Variants in PPP4R3A observed in about 807,000 individuals in gnomAD.
PPP4R3A encodes the protein serine/threonine-protein phosphatase 4 regulatory subunit 3A.
PPP4R3A carries 15 observed loss-of-function variants against 91.7 expected under a neutral mutation model. That is an observed-to-expected ratio of 0.16 (90% confidence interval 0.11 to 0.25). The LOEUF is 0.25. Ranked by LOEUF, PPP4R3A falls within the 10% of genes least tolerant of loss-of-function variation. The pLI is 1.00. For missense variants in PPP4R3A, 623 were observed against 998.4 expected, an observed-to-expected ratio of 0.62 and a Z score of 5.07; for synonymous variants, 377 against 348.7, an observed-to-expected ratio of 1.08 and a Z score of -0.91.
In PPP4R3A at chr14:91,462,256, AAG is replaced by A. The variant is rs752603748; in HGVS notation, c.1974-19_1974-18del. 7 of 1,554,948 alleles carry A rather than the reference AAG, an allele frequency of 4.5e-6. No individual in the cohort carries two copies. The South Asian group carries it at 6.2e-5, about 14-fold the overall frequency. On this transcript the variant is annotated intron_variant, in intron 12 of 14. Coordinates refer to ENST00000554943, the MANE Select transcript of PPP4R3A (RefSeq NM_001366432.2). ...GAACGCATACTATGAGTAGGGAAGA[AAG>A]AGTAAATACAATCATATATGGACTT...
rs753235890 is a variant in PPP4R3A, at chr14:91,458,651, TGTCA to T, written c.*104_*107del. On this transcript the variant is annotated 3_prime_UTR_variant, in exon 15 of 15. Transcript: ENST00000554943. ...AAGTCAAGTGTAAGAGGCTGATCTG[TGTCA>T]GTCATTCACAAGAGACCACTGCGCT... 2.7e-5 allele frequency: 40 copies of T among 1,494,224 alleles called. No individual in the cohort carries two copies. Among genetic ancestry groups the T allele is most frequent in the Non-Finnish European group, 3.5e-5 (38 of 1,072,262 alleles). The allele number at this position is 1,494,224 out of a possible 1,614,324, so 92.6% of individuals were successfully genotyped here. A position where few individuals can be genotyped will look rare whatever the true frequency, so the allele number is the denominator to read the frequency against.
In PPP4R3A at chr14:91,507,328, A is replaced by G. The variant is rs1344048401; in HGVS notation, c.142+2178T>C. Among the ~76,000 whole-genome samples, 4 of 137,586 alleles carry G rather than the reference A, an allele frequency of 2.9e-5. No individual in the cohort carries two copies. In the East Asian group the frequency reaches 6.1e-4, roughly 21 times the overall value. 90.3% of individuals were successfully genotyped at this position (137,586 alleles called of 152,430 possible). On this transcript the variant is annotated intron_variant, in intron 1 of 14. Transcript: ENST00000554943. ...AAGAGCAAAACCCAATCTCAAAAAA[A>G]AAATCTATACATATTATATATACTA...
At chr14:91,507,926 A>C (rs1403383411) in intron 1 of PPP4R3A, among the ~76,000 whole-genome samples, 1 of 152,130 alleles carries the variant, frequency 6.6e-6, no homozygotes, top group Non-Finnish European at 1.5e-5. Flanking sequence ...GTTTGAGACC[A>C]GCCTTGGCAA....
At chr14:91,477,632 C>T (rs1889287773) in intron 4 of PPP4R3A, among the ~76,000 whole-genome samples, 1 of 152,300 alleles carries the variant, frequency 6.6e-6, no homozygotes, top group East Asian at 1.9e-4. Flanking sequence ...ACTATTTTTT[C>T]ATCAAGATCT....
intron 7 of PPP4R3A, among the ~76,000 whole-genome samples, chr14:91,473,837 T>C (rs1420039918): frequency 8.7e-6 from 1 of 115,212 alleles, no homozygotes; most frequent in Non-Finnish European, 1.8e-5. Flanking sequence ...AATGGCACGA[T>C]CTCGTCTTAC....
chr14:91,505,055 T>C (rs1891200991), intron 1 of PPP4R3A, among the ~76,000 whole-genome samples: 2 of 152,218 alleles, frequency 1.3e-5, no homozygotes, highest in Non-Finnish European at 2.9e-5. Flanking sequence ...AAGTAGTGTG[T>C]ACAGTTTAAA....
intron 3 of PPP4R3A, among the ~76,000 whole-genome samples, chr14:91,484,060 C>T (rs1889729183): frequency 6.6e-6 from 1 of 152,100 alleles, no homozygotes; most frequent in Non-Finnish European, 1.5e-5. Flanking sequence ...ATTAATGTCA[C>T]CTCTCTCTCT....
At chr14:91,471,120 G>C in intron 9 of PPP4R3A, 125 bp from the exon 10 acceptor site, 2 of 874,478 alleles carry the variant, frequency 2.3e-6, no homozygotes, top group Non-Finnish European at 3.3e-6. Context: ...ACTTTAGGGA[G>C]GAGGAAATTA....
intron 1 of PPP4R3A, among the ~76,000 whole-genome samples, chr14:91,491,221 T>A (rs946942687): frequency 6.6e-6 from 1 of 151,800 alleles, no homozygotes; most frequent in South Asian, 2.1e-4. Context: ...AAAATATTTT[T>A]AAATATTTTT....
intron 4 of PPP4R3A, among the ~76,000 whole-genome samples, chr14:91,478,741 C>G (rs549112028): frequency 1.1e-5 from 1 of 87,904 alleles, no homozygotes; most frequent in South Asian, 3.1e-4. Context: ...CATACTTTTC[C>G]TTTTTTTGCC....
intron 1 of PPP4R3A, among the ~76,000 whole-genome samples, chr14:91,508,415 G>C (rs747099227): frequency 6.6e-6 from 1 of 152,108 alleles, no homozygotes; most frequent in Non-Finnish European, 1.5e-5. Flanking sequence ...AAATTAGTTT[G>C]CAATAATTCA....
At chr14:91,462,541 T>C (rs1314964882) in intron 12 of PPP4R3A, among the ~76,000 whole-genome samples, 194 bp downstream of exon 12, 2 of 150,722 alleles carry the variant, frequency 1.3e-5, no homozygotes, top group African/African-American at 2.4e-5. Context: ...GATACATGCC[T>C]GAGGTATTAT....
chr14:91,461,201 A>G (rs184365317), intron 14 of PPP4R3A, among the ~76,000 whole-genome samples, 180 bp downstream of exon 14: 518 of 152,322 alleles, frequency 3.4e-3, no homozygotes, highest in Non-Finnish European at 5.9e-3. Flanking sequence ...GTCATAAAAA[A>G]AACTTTCAGA....
chr14:91,458,030 T>G lies in PPP4R3A; in HGVS notation c.*729A>C, dbSNP rs984824458. ...AGGTTATATTACATCAAAAAAAGTT[T>G]TAATGGTCCCAAATATATATACTCA... is the stretch of plus-strand genomic sequence containing the variant. On this transcript the variant is annotated 3_prime_UTR_variant, in exon 15 of 15. Coordinates refer to ENST00000554943, the MANE Select transcript of PPP4R3A (RefSeq NM_001366432.2). 1 of 152,414 alleles carries G rather than the reference T, an allele frequency of 6.6e-6. No individual in the cohort carries two copies. The highest frequency in any genetic ancestry group is 2.4e-5 in the African/African-American group (1 of 41,380). The allele number at this position is 152,414 out of a possible 1,614,324, so 9.4% of individuals were successfully genotyped here. A position where few individuals can be genotyped will look rare whatever the true frequency, so the allele number is the denominator to read the frequency against.
intron 1 of PPP4R3A, among the ~76,000 whole-genome samples, chr14:91,492,925 A>C (rs1188942224): frequency 6.6e-6 from 1 of 152,184 alleles, no homozygotes; most frequent in Non-Finnish European, 1.5e-5. Context: ...ATACATTCAT[A>C]ACAAGAAAAA....
In PPP4R3A at chr14:91,507,410, A is replaced by G. The variant is rs1208061828; in HGVS notation, c.142+2096T>C. Among the ~76,000 whole-genome samples, 144 of 100,734 alleles carry G rather than the reference A, an allele frequency of 1.4e-3. 9 individuals are homozygous for G. The South Asian group carries it at 0.026, about 18-fold the overall frequency. The allele number at this position is 100,734 out of a possible 152,430, so 66.1% of individuals were successfully genotyped here. A position where few individuals can be genotyped will look rare whatever the true frequency, so the allele number is the denominator to read the frequency against. ...TATAGTATATGTACTATAATTATAT[A>G]TACTATATAATATATATACTATAAT... On this transcript the variant is annotated intron_variant, in intron 1 of 14. Transcript: ENST00000554943.
At position 91,494,590 on chromosome 14, in the gene PPP4R3A, C is replaced by T. The variant is rs1215217542; in HGVS notation, c.143-3788G>A. ...CAAACCCACAAATAAGGGCCAGGCA[C>T]GGTGGCTCACGCCTATAATACCAGC... is the stretch of plus-strand genomic sequence containing the variant. On this transcript the variant is annotated intron_variant, in intron 1 of 14. Transcript: ENST00000554943. 5.3e-5 allele frequency among the ~76,000 whole-genome samples: 8 copies of T among 152,236 alleles called. No individual in the cohort carries two copies. In the East Asian group the frequency reaches 9.7e-4, roughly 18 times the overall value.
chr14:91,482,302 A>C, intron 3 of PPP4R3A, 109 bp from the exon 4 acceptor site: 1 of 1,177,610 alleles, frequency 8.5e-7, no homozygotes, highest in Non-Finnish European at 1.1e-6. Flanking sequence ...TATAATGGTC[A>C]TTTTCAAGAC....
intron 10 of PPP4R3A, among the ~76,000 whole-genome samples, chr14:91,469,618 G>A (rs1888712799): frequency 6.6e-6 from 1 of 152,148 alleles, no homozygotes; most frequent in South Asian, 2.1e-4. Context: ...GCCCAGACTG[G>A]AGTGCAATGG....
Sources: gnomAD v4.1 joint callset for allele counts (sites outside exome capture counted in the v4.1 genomes callset) on GRCh38, gnomAD v4.1.1 for gene constraint, MANE v1.5 for transcripts, NCBI Gene and HGNC (gene_info 2026-07-23, HGNC 2026-07-21) for gene names.